The following VPS13A variants were observed in gnomAD, a reference collection of about 807,000 sequenced individuals.
The protein encoded by VPS13A is intermembrane lipid transfer protein VPS13A.
A neutral mutation model predicts 390.9 loss-of-function variants in VPS13A; 264 were observed. The observed-to-expected ratio is 0.68, with a 90% CI of 0.61 to 0.75. The LOEUF (loss-of-function observed/expected upper bound fraction) is 0.75, where lower values mean the gene tolerates loss of function less well. Among genes scored for constraint, VPS13A ranks in the 30% least tolerant of loss-of-function variants. VPS13A has a pLI of 0.00. For synonymous variants in VPS13A, 1,231 were observed against 1,227.1 expected (o/e 1.00, Z -0.07); for missense variants, 3,409 against 3,733.9 (o/e 0.91, Z 2.27).
Position 77,316,736 on chromosome 9 carries a change from G to C in VPS13A, c.4863+330G>C, listed in dbSNP as rs553105888. 7.2e-5 allele frequency among the ~76,000 whole-genome samples: 11 copies of C among 152,064 alleles called. No homozygotes were observed. In the South Asian group the frequency reaches 2.3e-3, roughly 32 times the overall value. ...GGACTTTTAAGACTTTCTGCCAGTT[G>C]TTTGCTGTGTTGTTTCAATTTTATT... On this transcript the variant is annotated intron_variant, in intron 39 of 71. Transcript: ENST00000360280.
chr9:77,366,510 TATC>T (rs1263150910), intron 60 of VPS13A, among the ~76,000 whole-genome samples: 2 of 152,106 alleles, frequency 1.3e-5, no homozygotes, highest in African/African-American at 4.8e-5. Context: ...TAGGATTAAA[TATC>T]ATGCTATCTT....
rs1475930869 is a variant in VPS13A, at chr9:77,307,953, TAGTC to T, written c.3971_3974del (p.Ser1324LysfsTer4). On this transcript the variant is annotated frameshift_variant, in exon 35 of 72. Coordinates refer to ENST00000360280, the MANE Select transcript of VPS13A (RefSeq NM_033305.3). LOFTEE classifies it high-confidence loss of function. Reference sequence around the variant, plus strand: ...TCTTTTTTTTTTAACAGTTCATTCTTAGTCAAGAAGATATAACAACTATTTTTAA... The same window carrying T: ...TCTTTTTTTTTTAACAGTTCATTCTTAAGAAGATATAACAACTATTTTTAA... The T allele has an allele frequency of 3.1e-6, 5 of 1,588,704 alleles. No individual in the cohort carries two copies. The highest frequency in any genetic ancestry group is 1.1e-5 in the South Asian group (1 of 90,372).
chr9:77,326,168 A>T (rs1404340918), intron 45 of VPS13A, among the ~76,000 whole-genome samples: 4 of 151,926 alleles, frequency 2.6e-5, no homozygotes, highest in African/African-American at 9.7e-5. Flanking sequence ...TCTTTTCTTC[A>T]GCAGCTTTTG....
intron 59 of VPS13A, among the ~76,000 whole-genome samples, chr9:77,362,465 T>G (rs1293476281): frequency 6.6e-6 from 1 of 152,216 alleles, no homozygotes; most frequent in Admixed American, 6.5e-5. Flanking sequence ...GTGATTTTAT[T>G]CCGTCGATCT....
Position 77,283,620 on chromosome 9 carries a change from A to C in VPS13A, c.3309A>C (p.Leu1103Phe), listed in dbSNP as rs1345808911. 1 of 1,612,238 alleles carries C rather than the reference A, an allele frequency of 6.2e-7. No individual in the cohort carries two copies. Among genetic ancestry groups the C allele is most frequent in the Non-Finnish European group, 8.5e-7 (1 of 1,178,872 alleles). Residue 1103 changes from leucine to phenylalanine, a missense_variant, in exon 31 of 72, where the codon TTA (leucine) becomes TTC (phenylalanine). Around this residue, in one of 5 missense-constraint regions of VPS13A, gnomAD observed 2,717 missense variants for 2,917.4 expected, o/e 0.93. Transcript: ENST00000360280. ...CAAAGCTAAGGAATATAATTGTTTT[A>C]GATTCTGATATAACAGCTATATACA... ...INAKLRNIIV[L>F]DSDITAIYKK...
intron 68 of VPS13A, among the ~76,000 whole-genome samples, chr9:77,385,997 T>C (rs777103932): frequency 1.3e-5 from 2 of 152,196 alleles, no homozygotes; most frequent in African/African-American, 2.4e-5. Context: ...AGGTTATGTA[T>C]GTAAAATTTG....
chr9:77,221,856 A>G (rs1823237264), intron 13 of VPS13A, among the ~76,000 whole-genome samples: 1 of 152,066 alleles, frequency 6.6e-6, no homozygotes, highest in African/African-American at 2.4e-5. Flanking sequence ...CTGAAGTTCT[A>G]CTTAAGTCTT....
intron 10 of VPS13A, 81 bp downstream of exon 10, chr9:77,214,467 C>G (rs1213807623): frequency 2.5e-5 from 28 of 1,137,856 alleles, no homozygotes; most frequent in Non-Finnish European, 2.6e-6. Flanking sequence ...TATCACTGTG[C>G]TAGTTCCTGT....
intron 23 of VPS13A, 127 bp downstream of exon 23, chr9:77,260,351 C>CTTTT (rs750675055): frequency 1.8e-4 from 68 of 376,212 alleles, no homozygotes; most frequent in East Asian, 3.1e-4. Context: ...AAGAAAATTA[C>CTTTT]TTTTTTTTTT....
At chr9:77,353,914 C>A (rs2131547283) in intron 54 of VPS13A, among the ~76,000 whole-genome samples, 1 of 152,188 alleles carries the variant, frequency 6.6e-6, no homozygotes, top group South Asian at 2.1e-4. Flanking sequence ...GTATGTTTTG[C>A]ATATCATACA....
At chr9:77,314,783 C>A in intron 37 of VPS13A, 119 bp downstream of exon 37, 1 of 938,966 alleles carries the variant, frequency 1.1e-6, no homozygotes, top group Non-Finnish European at 1.7e-6. Context: ...TTTAAAGCTT[C>A]AATTCAGTCA....
At chr9:77,279,354 C>T (rs1564690435) in intron 26 of VPS13A, among the ~76,000 whole-genome samples, 1 of 152,034 alleles carries the variant, frequency 6.6e-6, no homozygotes, top group Non-Finnish European at 1.5e-5. Flanking sequence ...CCCCAGCGTC[C>T]GGACGTCCAC....
chr9:77,334,621 CT>C (rs1287326500), intron 46 of VPS13A, among the ~76,000 whole-genome samples: 2 of 152,154 alleles, frequency 1.3e-5, no homozygotes. Flanking sequence ...CAGTAGTTAT[CT>C]TTTAACATTT....
chr9:77,321,206 A>G lies in VPS13A; in HGVS notation c.5453A>G (p.Asp1818Gly). 1 of 1,612,754 alleles carries G rather than the reference A, an allele frequency of 6.2e-7. No individual in the cohort carries two copies. Among genetic ancestry groups the G allele is most frequent in the Non-Finnish European group, 8.5e-7 (1 of 1,179,186 alleles). ...KKAKMAIVES[D>G]PEEENYKVPE... The stretch of plus-strand genomic sequence containing the variant: ...GCAAAAATGGCCATTGTTGAGTCAG[A>G]TCCTGAAGAAGAAAACTACAAAGTG... Residue 1818 changes from aspartate (D) to glycine (G), a missense_variant, in exon 43 of 72, where the codon GAT (aspartate) becomes GGT (glycine). Coordinates refer to ENST00000360280, the MANE Select transcript of VPS13A (RefSeq NM_033305.3).
chr9:77,406,065 T>C (rs879608581), intron 70 of VPS13A, 78 bp downstream of exon 70: 3 of 1,563,044 alleles, frequency 1.9e-6, no homozygotes, highest in Non-Finnish European at 2.6e-6. Flanking sequence ...ATTTGTATAA[T>C]GCTCTACCTC....
In VPS13A at chr9:77,316,370, G is replaced by A. The variant is rs781553853; in HGVS notation, c.4827G>A (p.Pro1609=). The change falls in exon 39 of 72, where the codon CCG becomes CCA. Residue 1609 remains proline, a synonymous_variant. Transcript: ENST00000360280. Reference sequence around the variant, plus strand: ...AAGATCTCCAAGTGAGAGCCTGCCCGTTTCTTCCAGTCAAGAGAAAAGGCA... The same window carrying A: ...AAGATCTCCAAGTGAGAGCCTGCCCATTTCTTCCAGTCAAGAGAAAAGGCA... ...AIKDLQVRAC[P]FLPVKRKGKI... The A allele has an allele frequency of 3.2e-5, 52 of 1,612,812 alleles. No individual in the cohort carries two copies. The highest frequency in any genetic ancestry group is 5.3e-5 in the African/African-American group (4 of 74,848).
In VPS13A at chr9:77,228,128, G is replaced by A. The variant is rs1241904087; in HGVS notation, c.1459G>A (p.Ala487Thr). The change falls in exon 17 of 72, where the codon GCC (alanine) becomes ACC (threonine). Residue 487 changes from alanine (A) to threonine (T), a missense_variant. Coordinates refer to ENST00000360280, the MANE Select transcript of VPS13A (RefSeq NM_033305.3). ...VDPTLLKTFE[A>T]LKFFVHLKSM... The stretch of plus-strand genomic sequence containing the variant: ...TCTTCTGAATATACCTTAGTTTGAA[G>A]CCTTGAAGTTTTTTGTCCACTTGAA... The A allele has an allele frequency of 6.3e-7, 1 of 1,597,582 alleles. No individual in the cohort carries two copies. Among genetic ancestry groups the A allele is most frequent in the Non-Finnish European group, 8.5e-7 (1 of 1,170,748 alleles).
At chr9:77,301,520 C>G (rs1828352780) in intron 33 of VPS13A, among the ~76,000 whole-genome samples, 1 of 152,134 alleles carries the variant, frequency 6.6e-6, no homozygotes, top group Non-Finnish European at 1.5e-5. Flanking sequence ...CTGATGAACT[C>G]TCATATTTCT....
chr9:77,284,560 CAG>C (rs1293145056), intron 31 of VPS13A, among the ~76,000 whole-genome samples: 3 of 152,014 alleles, frequency 2.0e-5, no homozygotes, highest in African/African-American at 7.3e-5. Flanking sequence ...TCATAAGTAT[CAG>C]AGTATTTAAG....
Sources: allele counts gnomAD v4.1 joint callset (sites outside exome capture counted in the v4.1 genomes callset), GRCh38; gene constraint gnomAD v4.1.1; regional missense constraint gnomAD v4.1.1; transcripts MANE v1.5; gene names NCBI Gene and HGNC (gene_info 2026-07-23, HGNC 2026-07-21).